The following MTMR7 variants were observed in gnomAD, a reference collection of about 807,000 sequenced individuals.
MTMR7 encodes the protein myotubularin related protein 7.
MTMR7 carries 76 observed loss-of-function variants against 81.2 expected under a neutral mutation model. That is an observed-to-expected ratio of 0.94 (90% CI 0.78 to 1.13). The LOEUF is 1.13. Ranked by LOEUF, MTMR7 falls within the 50% of genes most tolerant of loss-of-function variation. The pLI is 0.00. For synonymous variants in MTMR7, 372 were observed against 289.8 expected (o/e 1.28, Z -2.88); for missense variants, 1,044 against 820.0 (o/e 1.27, Z -3.34).
chr8:17,383,893 C>G (rs117094815), intron 1 of MTMR7, among the ~76,000 whole-genome samples: 1 of 152,134 alleles, frequency 6.6e-6, no homozygotes, highest in African/African-American at 2.4e-5. Context: ...ATGCAGGAAC[C>G]AAGCCCCACT....
At chr8:17,304,672 T>C (rs548401591) in intron 11 of MTMR7, among the ~76,000 whole-genome samples, 153 bp from the exon 12 acceptor site, 4 of 151,928 alleles carry the variant, frequency 2.6e-5, no homozygotes, top group Admixed American at 1.3e-4. Flanking sequence ...GGTGACTTCA[T>C]GGTATAGAGG....
chr8:17,346,346 C>G (rs1250749400), intron 5 of MTMR7, among the ~76,000 whole-genome samples: 1 of 152,132 alleles, frequency 6.6e-6, no homozygotes. Context: ...AGCGCTGCTT[C>G]GAGACACATC....
At chr8:17,307,127 T>C (rs1266830421) in intron 10 of MTMR7, among the ~76,000 whole-genome samples, 9 of 152,102 alleles carry the variant, frequency 5.9e-5, no homozygotes, top group Non-Finnish European at 8.8e-5. Flanking sequence ...AGAAAATTTT[T>C]GCAACCTACT....
At chr8:17,352,229 G>A (rs1269924211) in intron 4 of MTMR7, among the ~76,000 whole-genome samples, 1 of 152,126 alleles carries the variant, frequency 6.6e-6, no homozygotes, top group African/African-American at 2.4e-5. Flanking sequence ...CAAACAGTGT[G>A]GTACTGGAAT....
intron 11 of MTMR7, 74 bp downstream of exon 11, chr8:17,305,683 A>C: frequency 7.4e-7 from 1 of 1,346,230 alleles, no homozygotes; most frequent in Non-Finnish European, 1.0e-6. Context: ...CAAAATTATG[A>C]AAGGCCACCT....
At chr8:17,320,405 G>GT (rs112745551) in intron 7 of MTMR7, among the ~76,000 whole-genome samples, 19 of 151,366 alleles carry the variant, frequency 1.3e-4, no homozygotes, top group African/African-American at 2.4e-4. Flanking sequence ...TAAAGGGTAT[G>GT]TTTTTTTTTG....
At chr8:17,394,205 G>A (rs973845867) in intron 1 of MTMR7, among the ~76,000 whole-genome samples, 3 of 152,128 alleles carry the variant, frequency 2.0e-5, no homozygotes, top group African/African-American at 7.2e-5. Context: ...ATACCCAAGA[G>A]AACTGATAAC....
intron 13 of MTMR7, 87 bp downstream of exon 13, chr8:17,302,067 T>A (rs750852506): frequency 1.3e-6 from 2 of 1,543,128 alleles, no homozygotes; most frequent in Non-Finnish European, 1.8e-6. Context: ...ATATTTGTAT[T>A]GCACTGAATC....
At chr8:17,324,052 C>T (rs915282279) in intron 7 of MTMR7, among the ~76,000 whole-genome samples, 4 of 152,164 alleles carry the variant, frequency 2.6e-5, no homozygotes, top group Non-Finnish European at 5.9e-5. Context: ...TAATGTCAAA[C>T]GCTTTGGCTT....
At chr8:17,368,751 A>T (rs1021230996) in intron 3 of MTMR7, among the ~76,000 whole-genome samples, 5 of 152,230 alleles carry the variant, frequency 3.3e-5, no homozygotes, top group Non-Finnish European at 2.9e-5. Flanking sequence ...ACTACATTTT[A>T]GGCAAACTGG....
intron 3 of MTMR7, 89 bp downstream of exon 3, chr8:17,370,948 T>C (rs1343121325): frequency 1.5e-6 from 2 of 1,330,916 alleles, no homozygotes; most frequent in African/African-American, 2.9e-5. Flanking sequence ...TGAACCCCTA[T>C]CATTCCTAAG....
At chr8:17,346,984 C>T (rs949924557) in intron 5 of MTMR7, among the ~76,000 whole-genome samples, 6 of 150,538 alleles carry the variant, frequency 4.0e-5, no homozygotes, top group South Asian at 2.1e-4. Context: ...CACTTGAGCA[C>T]AGGAGCTCAA....
At chr8:17,382,287 C>T (rs2150572936) in intron 1 of MTMR7, among the ~76,000 whole-genome samples, 1 of 152,302 alleles carries the variant, frequency 6.6e-6, no homozygotes, top group African/African-American at 2.4e-5. Context: ...GGCACCAAGC[C>T]CACCAGCCTG....
At chr8:17,309,888 C>G (rs952189218) in intron 9 of MTMR7, among the ~76,000 whole-genome samples, 3 of 152,166 alleles carry the variant, frequency 2.0e-5, no homozygotes, top group African/African-American at 7.2e-5. Flanking sequence ...GGGGTATATT[C>G]AAAGCTTCAG....
At chr8:17,321,645 C>A (rs1298990740) in intron 7 of MTMR7, among the ~76,000 whole-genome samples, 1 of 152,170 alleles carries the variant, frequency 6.6e-6, no homozygotes, top group African/African-American at 2.4e-5. Flanking sequence ...CAGGATAAGG[C>A]AGAAATACTT....
Position 17,300,328 on chromosome 8 carries a change from T to G in MTMR7, c.1621-104A>C, listed in dbSNP as rs901100455. 4.0e-6 allele frequency: 5 copies of G among 1,239,120 alleles called. No homozygotes were observed. In the South Asian group the frequency reaches 4.7e-5, roughly 12 times the overall value. 76.8% of individuals were successfully genotyped at this position (1,239,120 alleles called of 1,614,324 possible). On this transcript the variant is annotated intron_variant, in intron 13 of 13. Coordinates refer to ENST00000180173, the MANE Select transcript of MTMR7 (RefSeq NM_004686.5). ...GTTACCTCCCACGTGGGTATAATGT[T>G]AAGAACATGTGACTCAGAGGGATGT... is the stretch of plus-strand genomic sequence containing the variant.
intron 8 of MTMR7, 149 bp from the exon 9 acceptor site, chr8:17,311,785 T>C (rs1817795903): frequency 2.4e-6 from 3 of 1,261,106 alleles, no homozygotes; most frequent in African/African-American, 1.5e-5. Flanking sequence ...CCCCCCCTAA[T>C]TAGGGCAGAG....
chr8:17,318,342 C>G (rs1818206492), intron 7 of MTMR7, among the ~76,000 whole-genome samples: 1 of 152,120 alleles, frequency 6.6e-6, no homozygotes, highest in African/African-American at 2.4e-5. Context: ...ACAGAAAAAG[C>G]TGGGCTGAAG....
At chr8:17,314,624 A>C (rs1817969261) in intron 7 of MTMR7, among the ~76,000 whole-genome samples, 1 of 152,228 alleles carries the variant, frequency 6.6e-6, no homozygotes, top group African/African-American at 2.4e-5. Context: ...ACACACAAAA[A>C]AGCACAAGTA....
Sources: allele counts gnomAD v4.1 joint callset (sites outside exome capture counted in the v4.1 genomes callset), GRCh38; gene constraint gnomAD v4.1.1; transcripts MANE v1.5; gene names NCBI Gene and HGNC (gene_info 2026-07-23, HGNC 2026-07-21).